ARK2N: variants seen among roughly 807,000 people sequenced by gnomAD.
ARK2N encodes protein ARK2N.
At chr18:46,211,350 A>T in the ARK2N span, among the ~76,000 whole-genome samples, 1 of 152,098 alleles carries the variant, frequency 6.6e-6, no homozygotes, top group Non-Finnish European at 1.5e-5. Flanking sequence ...CTGGAACCAC[A>T]GCATGTGCCA....
chr18:46,203,508 G>T, the ARK2N span, among the ~76,000 whole-genome samples: 1 of 152,160 alleles, frequency 6.6e-6, no homozygotes, highest in Non-Finnish European at 1.5e-5. Context: ...TCTGTATATG[G>T]TCATTACGTG....
the ARK2N span, among the ~76,000 whole-genome samples, chr18:46,254,075 CT>C: frequency 6.6e-6 from 1 of 152,172 alleles, no homozygotes; most frequent in South Asian, 2.1e-4. Context: ...ATGTTTTTTT[CT>C]TTTAAGCAAA....
chr18:46,251,567 C>T, the ARK2N span, among the ~76,000 whole-genome samples: 5 of 151,514 alleles, frequency 3.3e-5, no homozygotes, highest in Admixed American at 6.6e-5. Context: ...CATTTTCAGT[C>T]GAAGAATAAA....
the ARK2N span, among the ~76,000 whole-genome samples, chr18:46,235,159 A>G: frequency 2.6e-5 from 4 of 152,254 alleles, no homozygotes; most frequent in Non-Finnish European, 5.9e-5. Flanking sequence ...AGATGATGCT[A>G]AATATAGATT....
At chr18:46,174,712 G>A in the ARK2N span, among the ~76,000 whole-genome samples, 1 of 152,172 alleles carries the variant, frequency 6.6e-6, no homozygotes, top group African/African-American at 2.4e-5. Flanking sequence ...GCTGCGGGGG[G>A]AAGCGACTTC....
the ARK2N span, among the ~76,000 whole-genome samples, chr18:46,229,048 T>C: frequency 6.6e-6 from 1 of 152,196 alleles, no homozygotes; most frequent in Admixed American, 6.5e-5. Flanking sequence ...TTAGAACCTA[T>C]ACCAAAATAT....
chr18:46,259,312 C>T, the ARK2N span, among the ~76,000 whole-genome samples: 224 of 149,356 alleles, frequency 1.5e-3, 1 homozygote, highest in African/African-American at 5.2e-3. Context: ...GGCACGATCT[C>T]GGCTCACTGC....
At chr18:46,174,567 C>A in the ARK2N span, among the ~76,000 whole-genome samples, 1 of 152,182 alleles carries the variant, frequency 6.6e-6, no homozygotes, top group East Asian at 1.9e-4. Context: ...GCTCGTCCGC[C>A]GTTGGTGACC....
the ARK2N span, among the ~76,000 whole-genome samples, chr18:46,190,499 G>GA: frequency 0.014 from 1,864 of 136,680 alleles, 46 homozygotes; most frequent in African/African-American, 0.044. Flanking sequence ...CCGGCCCCCC[G>GA]AAAAAAAAAA....
the ARK2N span, among the ~76,000 whole-genome samples, chr18:46,187,282 A>G: frequency 1.3e-5 from 2 of 151,078 alleles, no homozygotes; most frequent in South Asian, 2.1e-4. Context: ...ACTCTGTCTC[A>G]TGAAAAAACG....
chr18:46,233,773 CT>C, the ARK2N span, among the ~76,000 whole-genome samples: 1 of 152,024 alleles, frequency 6.6e-6, no homozygotes, highest in Non-Finnish European at 1.5e-5. Flanking sequence ...ATCTTGGAAA[CT>C]TTATAATAAA....
chr18:46,178,903 AAAC>A, the ARK2N span, among the ~76,000 whole-genome samples: 2 of 151,736 alleles, frequency 1.3e-5, no homozygotes, highest in South Asian at 2.1e-4. Flanking sequence ...CAAAAAAAAA[AAAC>A]AACAAAAATA....
At chr18:46,227,764 AT>A in the ARK2N span, among the ~76,000 whole-genome samples, 3 of 151,982 alleles carry the variant, frequency 2.0e-5, no homozygotes, top group African/African-American at 7.2e-5. Context: ...TGCCTGGCTA[AT>A]TTTTGTATTT....
chr18:46,253,933 A>G, the ARK2N span: 2 of 1,252,204 alleles, frequency 1.6e-6, no homozygotes, highest in African/African-American at 3.1e-5. Context: ...GCATGAATGA[A>G]TGATGGGAGT....
the ARK2N span, among the ~76,000 whole-genome samples, chr18:46,201,707 G>A: frequency 6.6e-6 from 1 of 151,632 alleles, no homozygotes; most frequent in Non-Finnish European, 1.5e-5. Flanking sequence ...CCTTTCACTA[G>A]CGGTATAAGC....
the ARK2N span, among the ~76,000 whole-genome samples, chr18:46,174,666 G>A: frequency 6.6e-6 from 1 of 152,206 alleles, no homozygotes; most frequent in Non-Finnish European, 1.5e-5. Flanking sequence ...TTTTCCGGGG[G>A]TGCTGAGGGG....
the ARK2N span, among the ~76,000 whole-genome samples, chr18:46,174,911 C>T: frequency 1.3e-5 from 2 of 152,234 alleles, no homozygotes; most frequent in Non-Finnish European, 2.9e-5. Flanking sequence ...AGGCTTGGCG[C>T]CGCCTGCCTC....
the ARK2N span, among the ~76,000 whole-genome samples, chr18:46,228,178 AG>A: frequency 1.3e-5 from 2 of 152,214 alleles, no homozygotes; most frequent in Non-Finnish European, 2.9e-5. Context: ...ATGAATCTAC[AG>A]TCTTTACTTG....
chr18:46,182,339 C>T, the ARK2N span, among the ~76,000 whole-genome samples: 3 of 152,310 alleles, frequency 2.0e-5, no homozygotes, highest in South Asian at 4.1e-4. Flanking sequence ...ATTTTGGCAG[C>T]TTTTATCTTG....
Sources: allele counts gnomAD v4.1 joint callset (sites outside exome capture counted in the v4.1 genomes callset), GRCh38; gene constraint gnomAD v4.1.1; transcripts MANE v1.5; gene names NCBI Gene and HGNC (gene_info 2026-07-23, HGNC 2026-07-21).